SPATS2L: variants seen among roughly 807,000 people sequenced by gnomAD.
SPATS2L encodes spermatogenesis associated serine rich 2 like.
SPATS2L carries 30 observed loss-of-function variants against 59.6 expected under a neutral mutation model. That is an observed-to-expected ratio of 0.50 (90% confidence interval 0.38 to 0.68). The LOEUF (loss-of-function observed/expected upper bound fraction) is 0.68, where lower values mean the gene tolerates loss of function less well. Among genes scored for constraint, SPATS2L ranks in the 30% least tolerant of loss-of-function variants. The probability of loss-of-function intolerance (pLI) is 0.00; values close to 1 mark genes in which losing one functional copy is unlikely to be tolerated. For missense variants in SPATS2L, 615 were observed against 700.0 expected (o/e 0.88, Z 1.37); for synonymous variants, 252 against 263.5 (o/e 0.96, Z 0.42).
At chr2:200,423,331 G>GC (rs553480170) in intron 6 of SPATS2L, among the ~76,000 whole-genome samples, 128 of 152,258 alleles carry the variant, frequency 8.4e-4, no homozygotes, top group Non-Finnish European at 1.4e-3. Flanking sequence ...ACTGGCAATC[G>GC]CAAGAGCTCT....
At chr2:200,330,009 C>A (rs947752018) in intron 2 of SPATS2L, among the ~76,000 whole-genome samples, 3 of 152,192 alleles carry the variant, frequency 2.0e-5, no homozygotes, top group African/African-American at 7.2e-5. Flanking sequence ...GACACAGACT[C>A]CTGAGCCAGA....
At chr2:200,319,873 C>T (rs924451123) in intron 1 of SPATS2L, among the ~76,000 whole-genome samples, 16 of 152,184 alleles carry the variant, frequency 1.1e-4, no homozygotes, top group Non-Finnish European at 2.4e-4. Flanking sequence ...ATACATTTAT[C>T]CTTCTACATT....
chr2:200,350,758 C>T (rs1334059592), intron 2 of SPATS2L, among the ~76,000 whole-genome samples: 1 of 152,132 alleles, frequency 6.6e-6, no homozygotes, highest in Admixed American at 6.5e-5. Flanking sequence ...TGGTCATCGG[C>T]TCCTGACCTC....
chr2:200,469,188 A>T (rs551579807), intron 10 of SPATS2L, among the ~76,000 whole-genome samples: 1 of 152,266 alleles, frequency 6.6e-6, no homozygotes, highest in Non-Finnish European at 1.5e-5. Context: ...CCTCTTAAAT[A>T]ACTCTTTCCC....
intron 10 of SPATS2L, 81 bp from the exon 11 acceptor site, chr2:200,469,833 G>T: frequency 9.6e-7 from 1 of 1,045,816 alleles, no homozygotes; most frequent in South Asian, 1.5e-5. Flanking sequence ...GACACCGGAA[G>T]AGCAGAGTGA....
At chr2:200,423,473 G>T (rs142311112) in intron 6 of SPATS2L, among the ~76,000 whole-genome samples, 3 of 152,078 alleles carry the variant, frequency 2.0e-5, no homozygotes, top group Non-Finnish European at 4.4e-5. Flanking sequence ...AGAAACCAAG[G>T]CTCCTGGATT....
At chr2:200,410,475 C>A (rs1017693616) in intron 3 of SPATS2L, among the ~76,000 whole-genome samples, 1 of 152,144 alleles carries the variant, frequency 6.6e-6, no homozygotes, top group Non-Finnish European at 1.5e-5. Context: ...AAATCCTTTG[C>A]ACAGCCTTGT....
In SPATS2L at chr2:200,332,823, ATATATAT is replaced by A. The variant is rs1170477590; in HGVS notation, c.-23+3349_-23+3355del. Among the ~76,000 whole-genome samples the A allele has an allele frequency of 1.1e-4, 16 of 150,902 alleles. No individual in the cohort carries two copies. The East Asian group carries it at 2.5e-3, about 24-fold the overall frequency. On this transcript the variant is annotated intron_variant, in intron 2 of 12. Coordinates refer to ENST00000409140, the MANE Select transcript of SPATS2L (RefSeq NM_001100423.2). ...GTATGTATCTATGTATTCTAGAGAA[ATATATAT>A]TATATGCATCCAGAGATGTGTAAAA...
intron 3 of SPATS2L, among the ~76,000 whole-genome samples, chr2:200,399,113 T>C (rs556138857): frequency 6.6e-6 from 1 of 152,212 alleles, no homozygotes. Flanking sequence ...TACCCTCTTA[T>C]TGTGTTTTTA....
At chr2:200,333,521 C>CTT (rs1379905913) in intron 2 of SPATS2L, among the ~76,000 whole-genome samples, 1 of 150,942 alleles carries the variant, frequency 6.6e-6, no homozygotes, top group East Asian at 1.9e-4. Context: ...TTTTATTTTA[C>CTT]TTTAAGTTTT....
intron 3 of SPATS2L, among the ~76,000 whole-genome samples, chr2:200,406,408 T>TAAAA (rs1559103982): frequency 6.7e-6 from 1 of 148,668 alleles, no homozygotes; most frequent in African/African-American, 2.5e-5. Context: ...TAGCACAAGT[T>TAAAA]TAAAAAAAAA....
At chr2:200,346,819 CAGT>C (rs2080527169) in intron 2 of SPATS2L, among the ~76,000 whole-genome samples, 1 of 152,098 alleles carries the variant, frequency 6.6e-6, no homozygotes, top group Non-Finnish European at 1.5e-5. Context: ...TGCCTGGAGA[CAGT>C]GGGCTCATAA....
chr2:200,439,170 A>G lies in SPATS2L; in HGVS notation c.494A>G (p.Lys165Arg), dbSNP rs553630178. The change falls in exon 7 of 13, where the codon AAA (lysine) becomes AGA (arginine). Residue 165 changes from lysine to arginine, a missense_variant. Physicochemically the swap from Lys to Arg is conservative, Grantham distance 26 (BLOSUM62 2). Coordinates refer to ENST00000409140, the MANE Select transcript of SPATS2L (RefSeq NM_001100423.2). Reference sequence around the variant, plus strand: ...AAACTATCCTTAGATGGGAACCCCAAACCTATACATGGAACAACAGAGAGG... The same window carrying G: ...AAACTATCCTTAGATGGGAACCCCAGACCTATACATGGAACAACAGAGAGG... ...QQKLSLDGNPKPIHGTTERSD... is the reference protein window; with the variant it reads ...QQKLSLDGNPRPIHGTTERSD... The G allele has an allele frequency of 3.7e-6, 6 of 1,613,756 alleles. No homozygotes were observed. The highest frequency in any genetic ancestry group is 1.1e-5 in the South Asian group (1 of 91,078).
Position 200,478,634 on chromosome 2 carries a change from G to A in SPATS2L, c.*603G>A, listed in dbSNP as rs1303248212. 2 of 152,606 alleles carry A rather than the reference G, an allele frequency of 1.3e-5. No homozygotes were observed. Among genetic ancestry groups the A allele is most frequent in the African/African-American group, 2.4e-5 (1 of 41,446 alleles). 9.5% of individuals were successfully genotyped at this position (152,606 alleles called of 1,614,324 possible). A position where few individuals can be genotyped will look rare whatever the true frequency, so the allele number is the denominator to read the frequency against. On this transcript the variant is annotated 3_prime_UTR_variant, in exon 13 of 13. Transcript: ENST00000409140. ...ACTAGAGGTTGTGGTGCAAAGCTGT[G>A]TACAATAAATACTGTTTCTGTTGAG...
intron 11 of SPATS2L, among the ~76,000 whole-genome samples, chr2:200,470,586 CT>C (rs1314660802): frequency 2.6e-5 from 4 of 152,206 alleles, no homozygotes; most frequent in African/African-American, 9.7e-5. Context: ...TATTTTCCCC[CT>C]ACACCAGCCC....
chr2:200,327,744 C>T (rs143219857), intron 1 of SPATS2L, among the ~76,000 whole-genome samples: 3 of 152,152 alleles, frequency 2.0e-5, no homozygotes, highest in African/African-American at 7.2e-5. Context: ...AAATTATTAC[C>T]CTCCAAGGAG....
intron 2 of SPATS2L, among the ~76,000 whole-genome samples, chr2:200,364,118 A>G (rs2081193283): frequency 1.3e-5 from 2 of 152,212 alleles, no homozygotes; most frequent in Admixed American, 6.5e-5. Flanking sequence ...CATAAGCTAA[A>G]GAAGGTGGGT....
intron 1 of SPATS2L, among the ~76,000 whole-genome samples, chr2:200,326,533 A>T (rs1365098345): frequency 6.6e-6 from 1 of 152,186 alleles, no homozygotes; most frequent in African/African-American, 2.4e-5. Flanking sequence ...TTGAGGAAAG[A>T]TGTCCTCTTT....
intron 1 of SPATS2L, among the ~76,000 whole-genome samples, chr2:200,314,660 C>T (rs759564538): frequency 1.3e-5 from 2 of 152,138 alleles, no homozygotes; most frequent in African/African-American, 2.4e-5. Context: ...TGCCCCTGCC[C>T]GTAGCATCTC....
Sources: allele counts gnomAD v4.1 joint callset (sites outside exome capture counted in the v4.1 genomes callset), GRCh38; gene constraint gnomAD v4.1.1; transcripts MANE v1.5; gene names NCBI Gene and HGNC (gene_info 2026-07-23, HGNC 2026-07-21).